The following CACNA1C variants were observed in gnomAD, a reference collection of about 807,000 sequenced individuals.
The protein encoded by CACNA1C is calcium voltage-gated channel subunit alpha1 C, also known as voltage-dependent L-type calcium channel subunit alpha-1C.
CACNA1C carries 30 observed loss-of-function variants against 229.0 expected under a neutral mutation model. The ratio of observed to expected loss-of-function variants is 0.13; its 90% CI spans 0.10 to 0.18. The LOEUF (loss-of-function observed/expected upper bound fraction) is 0.18, where lower values mean the gene tolerates loss of function less well. CACNA1C is among the 10% of genes least tolerant of loss of function. The probability of loss-of-function intolerance (pLI) is 1.00; values close to 1 mark genes in which losing one functional copy is unlikely to be tolerated. For missense variants in CACNA1C, 1,658 were observed against 2,845.0 expected (o/e 0.58, Z 9.49); for synonymous variants, 1,114 against 1,132.5 (o/e 0.98, Z 0.33).
chr12:2,035,176 T>C (rs2048907881), intron 1 of CACNA1C, among the ~76,000 whole-genome samples: 1 of 152,222 alleles, frequency 6.6e-6, no homozygotes, highest in Admixed American at 6.5e-5. Context: ...CGCCGGCGTC[T>C]GCGCCAAGGC....
chr12:2,463,179 G>A (rs373526320), intron 5 of CACNA1C, among the ~76,000 whole-genome samples: 1 of 152,156 alleles, frequency 6.6e-6, no homozygotes, highest in South Asian at 2.1e-4. Context: ...AAAGTGCTGG[G>A]ATTACAGGCG....
chr12:2,013,649 T>C (rs1349961799), intron 1 of CACNA1C, among the ~76,000 whole-genome samples: 1 of 152,134 alleles, frequency 6.6e-6, no homozygotes, highest in African/African-American at 2.4e-5. Context: ...TCAGGACCTG[T>C]TGTGACTGTC....
chr12:2,035,127 T>TC (rs1293218468), intron 1 of CACNA1C, among the ~76,000 whole-genome samples: 1 of 152,136 alleles, frequency 6.6e-6, no homozygotes. Context: ...GGGCGTGGCC[T>TC]CCCCTGCGCC....
chr12:2,537,844 G>A (rs1033520423), intron 9 of CACNA1C, among the ~76,000 whole-genome samples: 4 of 151,874 alleles, frequency 2.6e-5, no homozygotes, highest in African/African-American at 4.8e-5. Context: ...CATAGTCCCC[G>A]AGGGTCTGAG....
chr12:2,398,476 G>C (rs2098627995), intron 3 of CACNA1C, among the ~76,000 whole-genome samples: 1 of 152,224 alleles, frequency 6.6e-6, no homozygotes, highest in South Asian at 2.1e-4. Context: ...CAGAGCTCTG[G>C]TCTGTGCATC....
chr12:2,447,907 C>T (rs992222988), intron 3 of CACNA1C, among the ~76,000 whole-genome samples: 2 of 152,232 alleles, frequency 1.3e-5, no homozygotes, highest in East Asian at 1.9e-4. Flanking sequence ...TGGACAGGCC[C>T]GCCGCACTCT....
At chr12:2,549,251 C>T (rs895660964) in intron 9 of CACNA1C, among the ~76,000 whole-genome samples, 1 of 152,074 alleles carries the variant, frequency 6.6e-6, no homozygotes, top group Non-Finnish European at 1.5e-5. Flanking sequence ...AAATCGTATC[C>T]CTACAGGCTG....
At chr12:2,683,247 C>T (rs2097267322) in intron 43 of CACNA1C, among the ~76,000 whole-genome samples, 1 of 152,172 alleles carries the variant, frequency 6.6e-6, no homozygotes, top group Non-Finnish European at 1.5e-5. Flanking sequence ...CAGCACAGCA[C>T]AATATCAGAA....
chr12:2,126,827 C>G (rs971791291), intron 3 of CACNA1C, among the ~76,000 whole-genome samples: 7 of 152,144 alleles, frequency 4.6e-5, no homozygotes, highest in African/African-American at 1.7e-4. Context: ...CAGGACATGC[C>G]CAGCACAGGC....
At chr12:2,537,399 A>C (rs2099858366) in intron 9 of CACNA1C, among the ~76,000 whole-genome samples, 2 of 152,228 alleles carry the variant, frequency 1.3e-5, no homozygotes, top group Admixed American at 1.3e-4. Flanking sequence ...TACCTCAGTT[A>C]ATGTATGTAA....
intron 3 of CACNA1C, among the ~76,000 whole-genome samples, chr12:2,192,149 G>T (rs955882697): frequency 9.2e-5 from 14 of 152,136 alleles, no homozygotes; most frequent in Non-Finnish European, 2.1e-4. Context: ...GGTTCAGCCT[G>T]CACTCAAGTT....
chr12:2,185,203 T>C (rs1301832010), intron 3 of CACNA1C, among the ~76,000 whole-genome samples: 1 of 152,192 alleles, frequency 6.6e-6, no homozygotes, highest in Admixed American at 6.5e-5. Context: ...TCTTCTCTAT[T>C]TGAATGTGTG....
Position 2,585,618 on chromosome 12 carries a change from G to C in CACNA1C, c.2460+122G>C, listed in dbSNP as rs1023702727. The C allele has an allele frequency of 8.1e-7, 1 of 1,231,046 alleles. No homozygotes were observed. Among genetic ancestry groups the C allele is most frequent in the Non-Finnish European group, 1.1e-6 (1 of 894,026 alleles). The allele number at this position is 1,231,046 out of a possible 1,614,324, so 76.3% of individuals were successfully genotyped here. A position where few individuals can be genotyped will look rare whatever the true frequency, so the allele number is the denominator to read the frequency against. ...AAGAAAGACACCCAGTGGAAAGAAA[G>C]CCAGTGGGGATGAACAGGAGAGCTG... On this transcript the variant is annotated intron_variant, in intron 17 of 46. Transcript: ENST00000399655. The surrounding 1 kb of genome is among the most constrained non-coding windows in gnomAD (Gnocchi z 4.1).
rs2071838820 is a variant in CACNA1C at position 2,601,015 on chromosome 12, CA to C, written c.2854-834del. 6.6e-6 allele frequency among the ~76,000 whole-genome samples: 1 copy of C among 152,296 alleles called. No individual in the cohort carries two copies. Among genetic ancestry groups the C allele is most frequent in the South Asian group, 2.1e-4 (1 of 4,824 alleles). On this transcript the variant is annotated intron_variant, in intron 21 of 46. Transcript: ENST00000399655. This position sits in a 1 kb window ranked among gnomAD's most constrained non-coding sequence, Gnocchi z 5.9. Reference sequence around the variant, plus strand: ...AATTTGAGTTTCTTGCTCCAGGCCACAAAAATAAAATACCACAGGTCTGGGA... The same window carrying C: ...AATTTGAGTTTCTTGCTCCAGGCCACAAAATAAAATACCACAGGTCTGGGA...
At chr12:2,627,088 G>C (rs1223631246) in intron 29 of CACNA1C, among the ~76,000 whole-genome samples, 3 of 152,092 alleles carry the variant, frequency 2.0e-5, no homozygotes, top group African/African-American at 7.2e-5. Context: ...CTCTCACGAG[G>C]CAAGCACCCA....
In CACNA1C at chr12:2,651,899, C is replaced by A. The variant is rs1395785066; in HGVS notation, c.4074+131C>A. ...TCCTCTGTGTGGCAGAACTCGGCCG[C>A]TCTGCCTGGCTCCCTGTTTCCGCAC... On this transcript the variant is annotated intron_variant, in intron 32 of 46. Transcript: ENST00000399655. This position sits in a 1 kb window ranked among gnomAD's most constrained non-coding sequence, Gnocchi z 5.4. The A allele has an allele frequency of 7.2e-6, 5 of 698,596 alleles. No homozygotes were observed. Among genetic ancestry groups the A allele is most frequent in the Non-Finnish European group, 1.2e-5 (5 of 433,338 alleles). The allele number at this position is 698,596 out of a possible 1,614,324, so 43.3% of individuals were successfully genotyped here. A position where few individuals can be genotyped will look rare whatever the true frequency, so the allele number is the denominator to read the frequency against.
chr12:2,126,930 G>A (rs755094055), intron 3 of CACNA1C, among the ~76,000 whole-genome samples: 1 of 152,194 alleles, frequency 6.6e-6, no homozygotes, highest in Non-Finnish European at 1.5e-5. Context: ...TTGGCACCTT[G>A]TGCTAGCTTT....
rs117040182 is a variant in CACNA1C, at chr12:2,469,413, C to A, written c.757+11707C>A. 2.9e-3 allele frequency among the ~76,000 whole-genome samples: 449 copies of A among 152,256 alleles called. 3 individuals are homozygous for A. The highest frequency in any genetic ancestry group is 5.1e-3 in the Non-Finnish European group (345 of 68,026). On this transcript the variant is annotated intron_variant, in intron 5 of 46. Transcript: ENST00000399655. ...GCATTGTGTTGATACTGGCAAAGGA[C>A]TGAAATAGGAAATACACTCATGTCA...
chr12:2,250,791 C>A (rs879519251), intron 3 of CACNA1C, among the ~76,000 whole-genome samples: 2 of 152,192 alleles, frequency 1.3e-5, no homozygotes, highest in Non-Finnish European at 2.9e-5. Context: ...ATTCCACATG[C>A]TTTAGGGGTT....
Sources: gnomAD v4.1 joint callset for allele counts (sites outside exome capture counted in the v4.1 genomes callset) on GRCh38, gnomAD v4.1.1 for gene constraint, Gnocchi (gnomAD v3.1) non-coding constraint, MANE v1.5 for transcripts, NCBI Gene and HGNC (gene_info 2026-07-23, HGNC 2026-07-21) for gene names.